Variants in TRAK2 observed in about 807,000 individuals in gnomAD.
TRAK2 encodes trafficking kinesin-binding protein 2.
In TRAK2, 81 loss-of-function variants were observed where a neutral mutation model predicts 104.6. That is an observed-to-expected ratio of 0.77 (90% CI 0.65 to 0.93). The LOEUF (loss-of-function observed/expected upper bound fraction) is 0.93. Among genes scored for constraint, TRAK2 ranks in the 40% least tolerant of loss-of-function variants. TRAK2 has a pLI of 0.00. For synonymous variants in TRAK2, 406 were observed against 394.4 expected, an observed-to-expected ratio of 1.03 and a Z score of -0.35; for missense variants, 1,002 against 1,089.0, an observed-to-expected ratio of 0.92 and a Z score of 1.12.
chr2:201,387,122 C>T lies in TRAK2; in HGVS notation c.1696+581G>A, dbSNP rs146867161. Among the ~76,000 whole-genome samples the T allele has an allele frequency of 4.6e-4, 70 of 152,274 alleles. 1 individual carries two copies. Among genetic ancestry groups the T allele is most frequent in the African/African-American group, 1.5e-3 (64 of 41,544 alleles). ...GAGTTTGAGGGGTCTTTATAAGTTA[C>T]ACACTCAAAATTTCATTTAATGCAG... On this transcript the variant is annotated intron_variant, in intron 13 of 15. Coordinates refer to ENST00000332624, the MANE Select transcript of TRAK2 (RefSeq NM_015049.3).
Position 201,379,456 on chromosome 2 carries a change from G to A in TRAK2, c.*1087C>T, listed in dbSNP as rs953131557. On this transcript the variant is annotated 3_prime_UTR_variant, in exon 16 of 16. Coordinates refer to ENST00000332624, the MANE Select transcript of TRAK2 (RefSeq NM_015049.3). ...ACCACAATCTCAAAGCAAGCACCCG[G>A]GTTTTACTTCAGTTTACAATAATTT... The A allele has an allele frequency of 2.6e-5, 4 of 152,426 alleles. No homozygotes were observed. The highest frequency in any genetic ancestry group is 9.7e-5 in the African/African-American group (4 of 41,370). 9.4% of individuals were successfully genotyped at this position (152,426 alleles called of 1,614,324 possible).
chr2:201,442,824 G>C (rs1028186177), intron 1 of TRAK2, among the ~76,000 whole-genome samples: 1 of 152,208 alleles, frequency 6.6e-6, no homozygotes, highest in Non-Finnish European at 1.5e-5. Flanking sequence ...GTTGATCAGA[G>C]TGTAAATTAG....
intron 1 of TRAK2, among the ~76,000 whole-genome samples, chr2:201,445,985 TAAG>T (rs1214615776): frequency 6.6e-6 from 1 of 152,228 alleles, no homozygotes; most frequent in East Asian, 1.9e-4. Context: ...ATGGAAATTT[TAAG>T]AAGGATTTAC....
At chr2:201,393,455 T>C (rs1951466674) in intron 9 of TRAK2, among the ~76,000 whole-genome samples, 1 of 152,300 alleles carries the variant, frequency 6.6e-6, no homozygotes, top group Middle Eastern at 3.4e-3. Context: ...TACAAAGTGT[T>C]ATATACAATG....
Position 201,420,430 on chromosome 2 carries a change from C to A in TRAK2, c.78G>T (p.Ser26=). ...AACTGGACTTACCAGTGATGCTCTC[C>A]GAGTCTCTGTGATTGCTATTCATGA... ...ENLMNSNHRD[S]ESITDVCSNE... is the part of the protein sequence containing the mutation. The change falls in exon 2 of 16, where the codon TCG becomes TCT. Residue 26 remains serine (S), a synonymous_variant. Coordinates refer to ENST00000332624, the MANE Select transcript of TRAK2 (RefSeq NM_015049.3). The A allele has an allele frequency of 6.2e-7, 1 of 1,613,788 alleles. No individual in the cohort carries two copies. The highest frequency in any genetic ancestry group is 8.5e-7 in the Non-Finnish European group (1 of 1,179,830).
At chr2:201,394,693 T>C in intron 9 of TRAK2, 105 bp downstream of exon 9, 4 of 995,318 alleles carry the variant, frequency 4.0e-6, no homozygotes, top group Non-Finnish European at 6.0e-6. Flanking sequence ...TTTGTTGTTG[T>C]TTTTTAAATC....
At chr2:201,391,284 T>C (rs188755850) in intron 10 of TRAK2, among the ~76,000 whole-genome samples, 18 of 152,248 alleles carry the variant, frequency 1.2e-4, no homozygotes, top group Non-Finnish European at 2.5e-4. Flanking sequence ...TTGTAATCTA[T>C]TGAATAAAAT....
chr2:201,393,422 T>G (rs1458078536), intron 9 of TRAK2, among the ~76,000 whole-genome samples: 2 of 152,192 alleles, frequency 1.3e-5, no homozygotes, highest in African/African-American at 2.4e-5. Flanking sequence ...CTCTGAAGTC[T>G]GTAAGTGACA....
chr2:201,410,218 C>T (rs1951632818), intron 2 of TRAK2, among the ~76,000 whole-genome samples: 1 of 151,712 alleles, frequency 6.6e-6, no homozygotes, highest in African/African-American at 2.4e-5. Context: ...AGGAGAATGG[C>T]GTGAACCCGC....
At chr2:201,407,323 C>G (rs1458775110) in intron 3 of TRAK2, 80 bp downstream of exon 3, 3 of 1,222,564 alleles carry the variant, frequency 2.5e-6, no homozygotes, top group African/African-American at 3.1e-5. Flanking sequence ...TACTAAACAT[C>G]AGTGCTTTAA....
chr2:201,405,800 T>C (rs1951588497), intron 3 of TRAK2, among the ~76,000 whole-genome samples: 1 of 152,104 alleles, frequency 6.6e-6, no homozygotes, highest in South Asian at 2.1e-4. Context: ...CCAATCAACA[T>C]GGTGAAACCC....
rs763298130 is a variant in TRAK2, at chr2:201,387,905, A to G, written c.1494T>C (p.Ser498=). 3 of 1,614,070 alleles carry G rather than the reference A, an allele frequency of 1.9e-6. No homozygotes were observed. The highest frequency in any genetic ancestry group is 2.2e-5 in the South Asian group (2 of 91,086). The change falls in exon 13 of 16, where the codon AGT becomes AGC. Residue 498 remains serine, a synonymous_variant. Coordinates refer to ENST00000332624, the MANE Select transcript of TRAK2 (RefSeq NM_015049.3). ...ATTCTTCAGCAAAGAACTGCTTCTC[A>G]CTTAAATAGTTTTGTCGACGCAAGC... is the stretch of plus-strand genomic sequence containing the variant. The part of the protein sequence containing the change: ...RLSLRRQNYL[S]EKQFFAEEWQ...
chr2:201,389,293 T>C lies in TRAK2; in HGVS notation c.1397+7A>G. 1 of 1,613,806 alleles carries C rather than the reference T, an allele frequency of 6.2e-7. No individual in the cohort carries two copies. The highest frequency in any genetic ancestry group is 8.5e-7 in the Non-Finnish European group (1 of 1,179,682). On this transcript the variant is annotated splice_region_variant and intron_variant, in intron 12 of 15. Coordinates refer to ENST00000332624, the MANE Select transcript of TRAK2 (RefSeq NM_015049.3). ...ATGCAGAATCACTGTTATCATCGGA[T>C]TCCTACCCTGCAACCTCCTCTGAGC... is the stretch of plus-strand genomic sequence containing the variant.
chr2:201,386,371 T>C lies in TRAK2; in HGVS notation c.1810A>G (p.Ile604Val), dbSNP rs1282035142. Residue 604 changes from isoleucine (I) to valine (V), a missense_variant, in exon 14 of 16, where the codon ATT becomes GTT. Physicochemically the swap from Ile to Val is conservative, Grantham distance 29. Coordinates refer to ENST00000332624, the MANE Select transcript of TRAK2 (RefSeq NM_015049.3). ...KGFTQLPGDAIYHISDLEEDE... is the reference protein window; with the variant it reads ...KGFTQLPGDAVYHISDLEEDE... ...TCTTCTAAATCTGAGATGTGATAAA[T>C]AGCATCCCCGGGCAACTGGGTAAAG... The C allele has an allele frequency of 2.5e-6, 4 of 1,614,026 alleles. No homozygotes were observed. The highest frequency in any genetic ancestry group is 1.3e-5 in the African/African-American group (1 of 74,912).
intron 1 of TRAK2, among the ~76,000 whole-genome samples, chr2:201,439,388 C>A (rs964663663): frequency 6.8e-6 from 1 of 146,924 alleles, no homozygotes; most frequent in Admixed American, 6.8e-5. Context: ...ATCTTTAATA[C>A]TTTTTTTTTT....
intron 10 of TRAK2, among the ~76,000 whole-genome samples, chr2:201,390,398 C>CAAA (rs35677800): frequency 2.3e-5 from 3 of 130,404 alleles, no homozygotes; most frequent in Non-Finnish European, 3.2e-5. Context: ...CAAAAAAATA[C>CAAA]AAAAAAAAAA....
intron 1 of TRAK2, among the ~76,000 whole-genome samples, chr2:201,449,426 T>C (rs1226907408): frequency 6.6e-6 from 1 of 152,036 alleles, no homozygotes; most frequent in Non-Finnish European, 1.5e-5. Context: ...AGCTAAAGTA[T>C]GAAGAGCTCC....
At chr2:201,393,217 T>C (rs1044266271) in intron 9 of TRAK2, among the ~76,000 whole-genome samples, 171 bp from the exon 10 acceptor site, 5 of 152,114 alleles carry the variant, frequency 3.3e-5, no homozygotes, top group Admixed American at 6.6e-5. Context: ...CGTATATATA[T>C]ATATTGAGCT....
At chr2:201,397,666 C>G in intron 6 of TRAK2, 86 bp from the exon 7 acceptor site, 1 of 983,700 alleles carries the variant, frequency 1.0e-6, no homozygotes, top group Non-Finnish European at 1.6e-6. Flanking sequence ...CATTTGAAGA[C>G]TAAATTTCAT....
Sources: gnomAD v4.1 joint callset for allele counts (sites outside exome capture counted in the v4.1 genomes callset) on GRCh38, gnomAD v4.1.1 for gene constraint, MANE v1.5 for transcripts, NCBI Gene and HGNC (gene_info 2026-07-23, HGNC 2026-07-21) for gene names.